GRB10: variants seen among roughly 807,000 people sequenced by gnomAD.
The protein encoded by GRB10 is growth factor receptor bound protein 10, also known as growth factor receptor-bound protein 10.
Under a neutral mutation model 80.9 loss-of-function variants are expected in GRB10, and 20 were observed. The observed-to-expected ratio is 0.25, with a 90% CI of 0.17 to 0.36. The LOEUF (loss-of-function observed/expected upper bound fraction) is 0.36. Among genes scored for constraint, GRB10 ranks in the 10% least tolerant of loss-of-function variants. The probability of loss-of-function intolerance (pLI) is 1.00; values close to 1 mark genes in which losing one functional copy is unlikely to be tolerated. For synonymous variants in GRB10, 291 were observed against 291.5 expected (o/e 1.00, Z 0.02); for missense variants, 548 against 747.7 (o/e 0.73, Z 3.12).
chr7:50,703,855 G>C lies in GRB10; in HGVS notation c.105C>G (p.Leu35=). 6.2e-7 allele frequency: 1 copy of C among 1,613,534 alleles called. No homozygotes were observed. The change falls in exon 5 of 19, where the codon CTC becomes CTG. Residue 35 remains leucine (L), a synonymous_variant. Transcript: ENST00000401949. ...TCGCAAGTCGGTCAGACTGTGCGGGGAGTCCTGGTCCTGCCGGGTCTTGTT... is the reference window on the plus strand; with the variant it reads ...TCGCAAGTCGGTCAGACTGTGCGGGCAGTCCTGGTCCTGCCGGGTCTTGTT... ...RSQQDPAGPG[L]PAQSDRLANH...
chr7:50,785,637 C>A (rs1030000833), upstream of GRB10, among the ~76,000 whole-genome samples: 1 of 152,228 alleles, frequency 6.6e-6, no homozygotes, highest in Non-Finnish European at 1.5e-5. Context: ...CTAGGCACTG[C>A]CCACCGCGGG....
chr7:50,792,247 C>T (rs186131557), intron 1 of GRB10, among the ~76,000 whole-genome samples: 1 of 152,082 alleles, frequency 6.6e-6, no homozygotes, highest in East Asian at 1.9e-4. Context: ...CCCCTCCCCC[C>T]CATCTCTTGA....
At chr7:50,786,576 C>T (rs1000617961), upstream of GRB10, among the ~76,000 whole-genome samples, 2 of 152,166 alleles carry the variant, frequency 1.3e-5, no homozygotes, top group African/African-American at 4.8e-5. Context: ...CCCCATTCTG[C>T]CTAAAGGCAA....
intron 4 of GRB10, among the ~76,000 whole-genome samples, chr7:50,710,226 T>C (rs552993712): frequency 6.6e-6 from 1 of 152,170 alleles, no homozygotes; most frequent in Admixed American, 6.5e-5. Flanking sequence ...CCTTGACTCA[T>C]CCTCACAACC....
Position 50,592,256 on chromosome 7 carries a change from A to G in GRB10, c.*696T>C, listed in dbSNP as rs1186507550. 3 of 155,584 alleles carry G rather than the reference A, an allele frequency of 1.9e-5. No homozygotes were observed. The highest frequency in any genetic ancestry group is 3.8e-4 in the East Asian group (2 of 5,242). The allele number at this position is 155,584 out of a possible 1,614,324, so 9.6% of individuals were successfully genotyped here. A position where few individuals can be genotyped will look rare whatever the true frequency, so the allele number is the denominator to read the frequency against. On this transcript the variant is annotated 3_prime_UTR_variant, in exon 19 of 19. Coordinates refer to ENST00000401949, the MANE Select transcript of GRB10 (RefSeq NM_001350814.2). ...ATCTGAGCATAGAGAAATGATTAAC[A>G]GACTGTGGTTGCTTGACTGAGTCCA... is the stretch of plus-strand genomic sequence containing the variant.
At chr7:50,663,101 C>T (rs902409487) in intron 7 of GRB10, among the ~76,000 whole-genome samples, 1 of 152,222 alleles carries the variant, frequency 6.6e-6, no homozygotes, top group African/African-American at 2.4e-5. Flanking sequence ...GAAGAGGGCC[C>T]AGGGTGCATC....
intron 5 of GRB10, among the ~76,000 whole-genome samples, chr7:50,685,805 C>T (rs2062041695): frequency 6.6e-6 from 1 of 152,116 alleles, no homozygotes; most frequent in South Asian, 2.1e-4. Flanking sequence ...GAGAACAGTA[C>T]CAGGCGATTC....
chr7:50,728,705 C>G (rs2069095726), intron 4 of GRB10, among the ~76,000 whole-genome samples: 1 of 152,216 alleles, frequency 6.6e-6, no homozygotes, highest in Non-Finnish European at 1.5e-5. Context: ...GGGTCTTGCT[C>G]TGTCGCCCAG....
At position 50,697,060 on chromosome 7, in the gene GRB10, G is replaced by C. The variant is rs149837614; in HGVS notation, c.139+6761C>G. On this transcript the variant is annotated intron_variant, in intron 5 of 18. Transcript: ENST00000401949. ...TGCTGAGCGAAGCCAGTTACAAAAG[G>C]ACAAATAGTGTATGGTCCCACTTAC... Among the ~76,000 whole-genome samples the C allele has an allele frequency of 2.1e-3, 316 of 152,342 alleles. 1 individual carries two copies. The highest frequency in any genetic ancestry group is 7.3e-3 in the African/African-American group (302 of 41,582).
At chr7:50,788,150 G>A (rs6593182) in intron 1 of GRB10, among the ~76,000 whole-genome samples, 125,333 of 152,254 alleles carry the variant, frequency 0.82, 51,637 homozygotes, top group Middle Eastern at 0.91. Context: ...ATTCTATGAG[G>A]TATGTGGTAT....
chr7:50,792,458 C>T (rs577957996), intron 1 of GRB10: 7 of 398,414 alleles, frequency 1.8e-5, no homozygotes, highest in Non-Finnish European at 2.7e-5. Context: ...TTCCATAACG[C>T]ACATGCTCCA....
chr7:50,783,247 A>G (rs2078495649), upstream of GRB10, among the ~76,000 whole-genome samples: 1 of 152,154 alleles, frequency 6.6e-6, no homozygotes, highest in African/African-American at 2.4e-5. Flanking sequence ...TTCTCCCCAA[A>G]ATGTCAGAGC....
Position 50,612,710 on chromosome 7 carries a change from C to A in GRB10, c.1194+31G>T, listed in dbSNP as rs1274256680. ...GGCCAATTTTCCACGAAGAGATGTG[C>A]ACTCAACACAAACCGCAAGATGTCA... On this transcript the variant is annotated intron_variant, in intron 13 of 18. Coordinates refer to ENST00000401949, the MANE Select transcript of GRB10 (RefSeq NM_001350814.2). 2.7e-6 allele frequency: 4 copies of A among 1,459,682 alleles called. No individual in the cohort carries two copies. In the Admixed American group the frequency reaches 6.7e-5, roughly 24 times the overall value. The allele number at this position is 1,459,682 out of a possible 1,614,324, so 90.4% of individuals were successfully genotyped here.
At chr7:50,741,753 A>G (rs1181583119) in intron 3 of GRB10, among the ~76,000 whole-genome samples, 1 of 152,148 alleles carries the variant, frequency 6.6e-6, no homozygotes, top group East Asian at 1.9e-4. Context: ...TGCATATTTT[A>G]TAAAGACAAA....
intron 6 of GRB10, among the ~76,000 whole-genome samples, chr7:50,672,336 G>A (rs1424965070): frequency 9.2e-5 from 14 of 152,194 alleles, no homozygotes. Context: ...TGGGAAGCGA[G>A]GGTAACCCAC....
chr7:50,782,202 CCT>C lies in GRB10; in HGVS notation c.-327+220_-327+221del, dbSNP rs2078357336. Among the ~76,000 whole-genome samples, 1 of 152,132 alleles carries C rather than the reference CCT, an allele frequency of 6.6e-6. No individual in the cohort carries two copies. The highest frequency in any genetic ancestry group is 6.5e-5 in the Admixed American group (1 of 15,286). ...ATTAAAAATGGTTACATAATACTGT[CCT>C]ATGGCTGGCGGCAACGAAGCTCGGG... is the stretch of plus-strand genomic sequence containing the variant. On this transcript the variant is annotated intron_variant, in intron 1 of 18. Transcript: ENST00000401949. This position sits in a 1 kb window ranked among gnomAD's most constrained non-coding sequence, Gnocchi z 6.6.
chr7:50,628,095 C>T (rs1585937953), intron 7 of GRB10, among the ~76,000 whole-genome samples: 1 of 152,362 alleles, frequency 6.6e-6, no homozygotes, highest in African/African-American at 2.4e-5. Flanking sequence ...ACACAACTCT[C>T]ACACCAACTG....
At chr7:50,757,584 C>A (rs10254782) in intron 2 of GRB10, among the ~76,000 whole-genome samples, 93,764 of 151,892 alleles carry the variant, frequency 0.62, 31,824 homozygotes, top group Middle Eastern at 0.87. Context: ...ATCGCTTTAA[C>A]CGTCTCAAAG....
intron 2 of GRB10, among the ~76,000 whole-genome samples, chr7:50,773,384 AGGGAAGGGGAAGGGAAG>A (rs1338027461): frequency 0.01 from 1,217 of 118,914 alleles, 37 homozygotes; most frequent in African/African-American, 0.035. Context: ...CGGAATGGGA[AGGGAAGGGGAAGGGAAG>A]GGGAAGGGGA....
Sources: gnomAD v4.1 joint callset for allele counts (sites outside exome capture counted in the v4.1 genomes callset) on GRCh38, gnomAD v4.1.1 for gene constraint, Gnocchi (gnomAD v3.1) non-coding constraint, MANE v1.5 for transcripts, NCBI Gene and HGNC (gene_info 2026-07-23, HGNC 2026-07-21) for gene names.